GRM8: variants seen among roughly 807,000 people sequenced by gnomAD.
GRM8 encodes the protein glutamate metabotropic receptor 8.
Under a neutral mutation model 87.2 loss-of-function variants are expected in GRM8, and 47 were observed. That is an observed-to-expected ratio of 0.54 (90% CI 0.43 to 0.69). The LOEUF is 0.69. Ranked by LOEUF, GRM8 falls within the 30% of genes least tolerant of loss-of-function variation. GRM8 has a pLI of 0.00. For missense variants in GRM8, 1,019 were observed against 1,139.2 expected (o/e 0.89, Z 1.52); for synonymous variants, 396 against 404.5 (o/e 0.98, Z 0.25).
intron 3 of GRM8, among the ~76,000 whole-genome samples, chr7:127,021,281 C>A (rs117601941): frequency 0.01 from 1,596 of 152,008 alleles, 21 homozygotes; most frequent in Non-Finnish European, 0.018. Context: ...TCACTACTAT[C>A]CTACACCTCC....
At chr7:126,472,510 A>G (rs1427397433) in intron 9 of GRM8, among the ~76,000 whole-genome samples, 1 of 152,170 alleles carries the variant, frequency 6.6e-6, no homozygotes, top group Non-Finnish European at 1.5e-5. Context: ...TTCATTCACA[A>G]AGATATGGTT....
At chr7:126,559,109 T>C (rs1449006700) in intron 8 of GRM8, among the ~76,000 whole-genome samples, 1 of 151,412 alleles carries the variant, frequency 6.6e-6, no homozygotes, top group African/African-American at 2.4e-5. Context: ...ACAAGTTTGA[T>C]ACTGATCTTG....
intron 8 of GRM8, among the ~76,000 whole-genome samples, chr7:126,569,422 C>CA (rs1464312695): frequency 6.6e-6 from 1 of 152,026 alleles, no homozygotes; most frequent in Non-Finnish European, 1.5e-5. Flanking sequence ...TGAACTTCTT[C>CA]AAAAAGAAAC....
chr7:126,637,821 G>T (rs1056129257), intron 7 of GRM8, among the ~76,000 whole-genome samples: 6 of 152,038 alleles, frequency 3.9e-5, no homozygotes, highest in African/African-American at 1.4e-4. Flanking sequence ...TAAGGTAGCT[G>T]CATTTCAGCA....
intron 6 of GRM8, among the ~76,000 whole-genome samples, chr7:126,849,241 A>G (rs1395539010): frequency 3.3e-5 from 5 of 152,200 alleles, no homozygotes; most frequent in Non-Finnish European, 7.4e-5. Context: ...TTGTCCCATT[A>G]TAATTTTACT....
At chr7:126,827,918 T>A (rs1171291003) in intron 6 of GRM8, among the ~76,000 whole-genome samples, 1 of 152,224 alleles carries the variant, frequency 6.6e-6, no homozygotes, top group Non-Finnish European at 1.5e-5. Context: ...ATTTTTAGCA[T>A]GAAGGGTTGT....
At chr7:126,624,955 C>T (rs1800530683) in intron 7 of GRM8, among the ~76,000 whole-genome samples, 1 of 152,196 alleles carries the variant, frequency 6.6e-6, no homozygotes, top group Non-Finnish European at 1.5e-5. Flanking sequence ...TCCACCATTC[C>T]TTTAGCATAA....
chr7:126,755,857 A>C (rs1816948504), intron 7 of GRM8, among the ~76,000 whole-genome samples: 1 of 151,948 alleles, frequency 6.6e-6, no homozygotes, highest in Non-Finnish European at 1.5e-5. Context: ...AGAAGATGAA[A>C]TATTTCAGGA....
intron 8 of GRM8, among the ~76,000 whole-genome samples, chr7:126,568,829 T>C (rs1345989743): frequency 1.3e-5 from 2 of 152,166 alleles, no homozygotes; most frequent in Non-Finnish European, 2.9e-5. Flanking sequence ...GTGACAATTG[T>C]TTGTAGCTCT....
intron 8 of GRM8, among the ~76,000 whole-genome samples, chr7:126,558,794 A>C (rs1021853107): frequency 6.6e-6 from 1 of 152,178 alleles, no homozygotes; most frequent in Admixed American, 6.5e-5. Context: ...GGCTGACTGT[A>C]CCTAAATGGC....
chr7:126,798,019 C>T (rs567976687), intron 6 of GRM8, among the ~76,000 whole-genome samples: 5 of 152,200 alleles, frequency 3.3e-5, no homozygotes, highest in Admixed American at 6.5e-5. Context: ...AAGAAGAGAA[C>T]GCCTCTAAGA....
chr7:127,106,810 A>C, intron 2 of GRM8, 98 bp from the exon 3 acceptor site: 2 of 838,970 alleles, frequency 2.4e-6, no homozygotes, highest in Non-Finnish European at 4.0e-6. Context: ...CCAGAAACCT[A>C]GACATATCAA....
At chr7:127,128,381 G>A (rs1456439092) in intron 2 of GRM8, among the ~76,000 whole-genome samples, 4 of 152,054 alleles carry the variant, frequency 2.6e-5, no homozygotes, top group Non-Finnish European at 5.9e-5. Context: ...TTACTGGAAG[G>A]TTAAGTCTCA....
At chr7:126,719,627 G>A (rs915229715) in intron 7 of GRM8, among the ~76,000 whole-genome samples, 6 of 152,130 alleles carry the variant, frequency 3.9e-5, no homozygotes, top group African/African-American at 7.2e-5. Flanking sequence ...TTACAGAGGT[G>A]TATTATTGGA....
At chr7:126,556,337 TAA>T (rs3038820) in intron 8 of GRM8, among the ~76,000 whole-genome samples, 1,840 of 111,302 alleles carry the variant, frequency 0.017, 48 homozygotes, top group African/African-American at 0.054. Flanking sequence ...TTCTCCTCTT[TAA>T]AAAAAAAAAA....
At chr7:126,808,271 A>G (rs554828240) in intron 6 of GRM8, among the ~76,000 whole-genome samples, 2 of 152,344 alleles carry the variant, frequency 1.3e-5, no homozygotes, top group Admixed American at 6.5e-5. Flanking sequence ...CCTGCAGATC[A>G]AACAGCTAGG....
At chr7:127,123,313 T>C (rs1357050878) in intron 2 of GRM8, among the ~76,000 whole-genome samples, 1 of 152,156 alleles carries the variant, frequency 6.6e-6, no homozygotes, top group East Asian at 1.9e-4. Context: ...TCCCCAGTGT[T>C]GGAGGTGGGG....
rs145634630 is a variant in GRM8, at chr7:126,483,553, G to A, written c.2431-37181C>T. ...AAGGGCTGACAAAAACCACTAATGC[G>A]TCCCTAACCAAAATTTGAAAAACAA... On this transcript the variant is annotated intron_variant, in intron 9 of 10. Transcript: ENST00000339582. Among the ~76,000 whole-genome samples, 844 of 123,802 alleles carry A rather than the reference G, an allele frequency of 6.8e-3. 8 individuals are homozygous for A. The highest frequency in any genetic ancestry group is 0.011 in the Non-Finnish European group (670 of 62,186). 81.2% of individuals were successfully genotyped at this position (123,802 alleles called of 152,430 possible).
At chr7:126,472,140 C>T (rs1257451771) in intron 9 of GRM8, among the ~76,000 whole-genome samples, 2 of 152,124 alleles carry the variant, frequency 1.3e-5, no homozygotes, top group Non-Finnish European at 2.9e-5. Context: ...CAAGCAGGGA[C>T]AATTTGACTT....
Sources: allele counts gnomAD v4.1 joint callset (sites outside exome capture counted in the v4.1 genomes callset), GRCh38; gene constraint gnomAD v4.1.1; transcripts MANE v1.5; gene names NCBI Gene and HGNC (gene_info 2026-07-23, HGNC 2026-07-21).